Variants in FKBP15 observed in about 807,000 individuals in gnomAD.
The protein encoded by FKBP15 is FKBP prolyl isomerase family member 15.
FKBP15 carries 106 observed loss-of-function variants against 158.1 expected under a neutral mutation model. The ratio of observed to expected loss-of-function variants is 0.67; its 90% CI spans 0.57 to 0.79. FKBP15 has a LOEUF of 0.79. Ranked by LOEUF, FKBP15 falls within the 30% of genes least tolerant of loss-of-function variation. The probability of loss-of-function intolerance (pLI) is 0.00; values close to 1 mark genes in which losing one functional copy is unlikely to be tolerated. For synonymous variants in FKBP15, 547 were observed against 548.6 expected (o/e 1.00, Z 0.04); for missense variants, 1,287 against 1,479.1 (o/e 0.87, Z 2.13).
rs755065375 is a variant in FKBP15 at position 113,184,768 on chromosome 9, G to A, written c.1535C>T (p.Ala512Val). 6.2e-7 allele frequency: 1 copy of A among 1,605,700 alleles called. No individual in the cohort carries two copies. The highest frequency in any genetic ancestry group is 1.1e-5 in the South Asian group (1 of 89,330). The change falls in exon 16 of 28, where the codon GCC (alanine) becomes GTC (valine). Residue 512 changes from alanine to valine, a missense_variant. Coordinates refer to ENST00000238256, the MANE Select transcript of FKBP15 (RefSeq NM_015258.2). This position sits in a 1 kb window ranked among gnomAD's most constrained non-coding sequence, Gnocchi z 4.5. ...TCGAATTTCAGTGTTATGTTGCCGGGCTTCAGTCATGAGAAATGAAGCCAT... is the reference window on the plus strand; with the variant it reads ...TCGAATTTCAGTGTTATGTTGCCGGACTTCAGTCATGAGAAATGAAGCCAT... ...GDMASFLMTE[A>V]RQHNTEIRMA...
chr9:113,203,652 C>T lies in FKBP15; in HGVS notation c.325-617G>A, dbSNP rs376945087. On this transcript the variant is annotated intron_variant, in intron 4 of 27. Coordinates refer to ENST00000238256, the MANE Select transcript of FKBP15 (RefSeq NM_015258.2). The stretch of plus-strand genomic sequence containing the variant: ...AAGCAATTCTCCTGCCTCAGGCTCC[C>T]GAGCAGCTGAGACTACAGGTGCACG... Among the ~76,000 whole-genome samples, 91 of 152,022 alleles carry T rather than the reference C, an allele frequency of 6.0e-4. 1 individual carries two copies. The East Asian group carries it at 0.011, about 18-fold the overall frequency.
At chr9:113,216,558 AGGCAGGAAAATTCG>A (rs1435894999) in intron 1 of FKBP15, among the ~76,000 whole-genome samples, 3 of 152,248 alleles carry the variant, frequency 2.0e-5, no homozygotes, top group Non-Finnish European at 4.4e-5. Context: ...TTGTCCTTTC[AGGCAGGAAAATTCG>A]GGCAAATTGC....
chr9:113,221,102 A>G, intron 1 of FKBP15, 89 bp downstream of exon 1: 2 of 1,391,070 alleles, frequency 1.4e-6, no homozygotes, highest in South Asian at 1.4e-5. Context: ...GGAAGTTGGG[A>G]AAAGGCCTGA....
chr9:113,205,781 T>C (rs1215818204), intron 4 of FKBP15, among the ~76,000 whole-genome samples: 1 of 152,134 alleles, frequency 6.6e-6, no homozygotes, highest in African/African-American at 2.4e-5. Flanking sequence ...GTCCATCAAC[T>C]GATGAATGAA....
At chr9:113,170,018 G>T in intron 25 of FKBP15, 76 bp from the exon 26 acceptor site, 1 of 1,445,652 alleles carries the variant, frequency 6.9e-7, no homozygotes, top group Non-Finnish European at 9.1e-7. Context: ...AACACTACTG[G>T]TCATGTAGTT....
At chr9:113,200,198 G>T (rs1459750118) in intron 6 of FKBP15, among the ~76,000 whole-genome samples, 1 of 152,182 alleles carries the variant, frequency 6.6e-6, no homozygotes, top group Non-Finnish European at 1.5e-5. Flanking sequence ...TTAACTTTGT[G>T]ACCCTAGCCA....
chr9:113,171,538 C>G, intron 24 of FKBP15, 43 bp downstream of exon 24: 7 of 1,590,900 alleles, frequency 4.4e-6, no homozygotes, highest in Non-Finnish European at 6.0e-6. Flanking sequence ...TTTCTGAATG[C>G]TTGATATAAA....
In FKBP15 at chr9:113,165,763, T is replaced by G; in HGVS notation, c.*315A>C. 1.9e-5 allele frequency: 5 copies of G among 261,116 alleles called. No homozygotes were observed. Among genetic ancestry groups the G allele is most frequent in the East Asian group, 1.6e-4 (2 of 12,388 alleles). 16.2% of individuals were successfully genotyped at this position (261,116 alleles called of 1,614,324 possible). ...GAGGGCTCCCAGGTCAGTCTGAGAG[T>G]TAATGAAGAGATTAAAAAGTCTGGC... On this transcript the variant is annotated 3_prime_UTR_variant, in exon 28 of 28. Coordinates refer to ENST00000238256, the MANE Select transcript of FKBP15 (RefSeq NM_015258.2).
In FKBP15 at chr9:113,162,834, T is replaced by C. The variant is rs1341159859; in HGVS notation, c.*3244A>G. Reference sequence around the variant, plus strand: ...CTTCATCATGCTGGCCGTAATGTCCTACAACACCTGGATTTTCCTTGGTGT... The same window carrying C: ...CTTCATCATGCTGGCCGTAATGTCCCACAACACCTGGATTTTCCTTGGTGT... On this transcript the variant is annotated 3_prime_UTR_variant, in exon 28 of 28. Coordinates refer to ENST00000238256, the MANE Select transcript of FKBP15 (RefSeq NM_015258.2). 1 of 1,613,844 alleles carries C rather than the reference T, an allele frequency of 6.2e-7. No individual in the cohort carries two copies.
At chr9:113,167,424 CCCTTTTTT>C (rs1830116026) in intron 27 of FKBP15, among the ~76,000 whole-genome samples, 1 of 152,230 alleles carries the variant, frequency 6.6e-6, no homozygotes, top group African/African-American at 2.4e-5. Context: ...TGGTTTTTCC[CCCTTTTTT>C]CCTTTTTTTA....
intron 1 of FKBP15, among the ~76,000 whole-genome samples, chr9:113,215,633 T>C (rs1587979254): frequency 9.0e-6 from 1 of 111,170 alleles, no homozygotes; most frequent in African/African-American, 3.5e-5. Flanking sequence ...TGTATATATA[T>C]ATATATATAT....
chr9:113,188,498 C>T lies in FKBP15; in HGVS notation c.1174-7G>A, dbSNP rs10513188. On this transcript the variant is annotated splice_polypyrimidine_tract_variant and splice_region_variant and intron_variant, in intron 12 of 27. Coordinates refer to ENST00000238256, the MANE Select transcript of FKBP15 (RefSeq NM_015258.2). ...CTTGCAGAGTGTTCACATCCTGAAA[C>T]AGGAACAAGCGTTTGGGTTACTCTG... 277,732 of 1,611,850 alleles carry T rather than the reference C, an allele frequency of 0.17. 25,821 individuals carry two copies. Among genetic ancestry groups the T allele is most frequent in the Non-Finnish European group, 0.19 (221,466 of 1,178,266 alleles).
At position 113,170,505 on chromosome 9, in the gene FKBP15, C is replaced by G. The variant is rs771836728; in HGVS notation, c.2766+17G>C. The G allele has an allele frequency of 1.3e-6, 2 of 1,553,156 alleles. No individual in the cohort carries two copies. The highest frequency in any genetic ancestry group is 8.9e-7 in the Non-Finnish European group (1 of 1,125,074). ...ATGCCCAATACGATGAAACAAATGA[C>G]AGCTGGCTGGCTGTACCTTGATCGT... On this transcript the variant is annotated intron_variant, in intron 25 of 27. Transcript: ENST00000238256.
intron 4 of FKBP15, among the ~76,000 whole-genome samples, chr9:113,203,534 T>C (rs1830832693): frequency 6.6e-6 from 1 of 151,826 alleles, no homozygotes; most frequent in South Asian, 2.1e-4. Flanking sequence ...TTTGCTTTTT[T>C]TTTTTTTCTT....
intron 7 of FKBP15, among the ~76,000 whole-genome samples, chr9:113,199,595 T>C (rs1830748404): frequency 6.6e-6 from 1 of 152,176 alleles, no homozygotes; most frequent in Non-Finnish European, 1.5e-5. Flanking sequence ...GGAAATTGGT[T>C]CCCACTTTCC....
rs772676238 is a variant in FKBP15 at position 113,184,244 on chromosome 9, G to A, written c.1716+48C>T. 6.9e-6 allele frequency: 9 copies of A among 1,310,994 alleles called. 1 individual carries two copies. In the South Asian group the frequency reaches 1.0e-4, roughly 15 times the overall value. The allele number at this position is 1,310,994 out of a possible 1,614,324, so 81.2% of individuals were successfully genotyped here. The stretch of plus-strand genomic sequence containing the variant: ...AAGAGTAGTACCTCTGAGAAGAGAG[G>A]ATGGGTAAGACCTTCAGCCTGAGTG... On this transcript the variant is annotated intron_variant, in intron 17 of 27. Transcript: ENST00000238256. The surrounding 1 kb of genome is among the most constrained non-coding windows in gnomAD (Gnocchi z 4.5).
At chr9:113,200,939 G>C (rs913929179) in intron 6 of FKBP15, among the ~76,000 whole-genome samples, 1 of 151,820 alleles carries the variant, frequency 6.6e-6, no homozygotes, top group Non-Finnish European at 1.5e-5. Context: ...AGCTACTTGG[G>C]AGGCTGGGGC....
chr9:113,169,586 C>CG lies in FKBP15; in HGVS notation c.3122dup (p.Thr1042AspfsTer6). ...CTAGGGGCTCAGGTGGAATTGAAGT[C>CG]GGGGGCCCTAGAACTCTGTGGGATG... is the stretch of plus-strand genomic sequence containing the variant. On this transcript the variant is annotated frameshift_variant, in exon 26 of 28. Coordinates refer to ENST00000238256, the MANE Select transcript of FKBP15 (RefSeq NM_015258.2). LOFTEE classifies it high-confidence loss of function. 6.2e-7 allele frequency: 1 copy of CG among 1,613,966 alleles called. No homozygotes were observed. The highest frequency in any genetic ancestry group is 1.3e-5 in the African/African-American group (1 of 75,028).
In FKBP15 at chr9:113,196,586, T is replaced by C. The variant is rs531812240; in HGVS notation, c.864+346A>G. On this transcript the variant is annotated intron_variant, in intron 9 of 27. Transcript: ENST00000238256. Reference sequence around the variant, plus strand: ...TTTTAGTAGAGATGGGGTTTCACCATGTTAGCCAGGATGGTCTCGATCTCC... The same window carrying C: ...TTTTAGTAGAGATGGGGTTTCACCACGTTAGCCAGGATGGTCTCGATCTCC... Among the ~76,000 whole-genome samples, 12 of 152,230 alleles carry C rather than the reference T, an allele frequency of 7.9e-5. No homozygotes were observed. In the South Asian group the frequency reaches 2.5e-3, roughly 32 times the overall value.
Sources: gnomAD v4.1 joint callset for allele counts (sites outside exome capture counted in the v4.1 genomes callset) on GRCh38, gnomAD v4.1.1 for gene constraint, Gnocchi (gnomAD v3.1) non-coding constraint, MANE v1.5 for transcripts, NCBI Gene and HGNC (gene_info 2026-07-23, HGNC 2026-07-21) for gene names.